Variants in PRKCE observed in about 807,000 individuals in gnomAD.
The protein encoded by PRKCE is protein kinase C epsilon.
A neutral mutation model predicts 85.4 loss-of-function variants in PRKCE; 16 were observed. The ratio of observed to expected loss-of-function variants is 0.19; its 90% CI spans 0.13 to 0.28. PRKCE has a LOEUF of 0.28. Ranked by LOEUF, PRKCE falls within the 10% of genes least tolerant of loss-of-function variation. The pLI is 1.00. For missense variants in PRKCE, 573 were observed against 975.2 expected, an observed-to-expected ratio of 0.59 and a Z score of 5.49; for synonymous variants, 388 against 371.5, an observed-to-expected ratio of 1.04 and a Z score of -0.51.
chr2:45,878,941 G>A (rs1001543754), intron 2 of PRKCE, among the ~76,000 whole-genome samples: 5 of 152,066 alleles, frequency 3.3e-5, no homozygotes, highest in Admixed American at 6.5e-5. Flanking sequence ...TTTTTAAATT[G>A]ACATAAAATA....
At chr2:45,830,293 C>CGAGA (rs71912599) in intron 1 of PRKCE, among the ~76,000 whole-genome samples, 8 of 146,308 alleles carry the variant, frequency 5.5e-5, no homozygotes, top group East Asian at 2.0e-4. Flanking sequence ...CAAAAACAAA[C>CGAGA]GAGAGAGAGA....
intron 10 of PRKCE, among the ~76,000 whole-genome samples, chr2:46,011,732 C>T (rs56218030): frequency 7.9e-5 from 12 of 152,204 alleles, no homozygotes; most frequent in South Asian, 2.1e-4. Context: ...TCTACTTTTC[C>T]GAACTTATTT....
rs59270659 is a variant in PRKCE, at chr2:46,148,211, GCCTTCTC to G, written c.1732-2813_1732-2807del. On this transcript the variant is annotated intron_variant, in intron 12 of 14. Transcript: ENST00000306156. ...TGGTAATAGCATCATCAGGGCCAAT[GCCTTCTC>G]CCTTCTCCCTTCTCCCGAGCTCTGA... Among the ~76,000 whole-genome samples, 32 of 152,306 alleles carry G rather than the reference GCCTTCTC, an allele frequency of 2.1e-4. No individual in the cohort carries two copies. The South Asian group carries it at 4.8e-3, about 23-fold the overall frequency.
At chr2:45,975,942 G>C (rs1205219121) in intron 2 of PRKCE, among the ~76,000 whole-genome samples, 1 of 152,180 alleles carries the variant, frequency 6.6e-6, no homozygotes, top group Non-Finnish European at 1.5e-5. Context: ...GGAAGCTTAG[G>C]GTGTGGAGAT....
intron 2 of PRKCE, among the ~76,000 whole-genome samples, chr2:45,967,587 C>T (rs973529231): frequency 6.6e-6 from 1 of 152,012 alleles, no homozygotes; most frequent in South Asian, 2.1e-4. Context: ...TTAGGACTGC[C>T]CCAAGTCTCA....
intron 10 of PRKCE, among the ~76,000 whole-genome samples, chr2:46,084,427 T>A: frequency 6.6e-6 from 1 of 152,196 alleles, no homozygotes; most frequent in South Asian, 2.1e-4. Flanking sequence ...ACTATACCTA[T>A]GTGTTAAAAA....
chr2:45,816,561 C>A (rs1458995025), intron 1 of PRKCE, among the ~76,000 whole-genome samples: 1 of 152,162 alleles, frequency 6.6e-6, no homozygotes, highest in African/African-American at 2.4e-5. Flanking sequence ...TGTGAAACTC[C>A]TGGATTTTGT....
chr2:46,040,385 T>C (rs1286664150), intron 10 of PRKCE, among the ~76,000 whole-genome samples: 1 of 152,202 alleles, frequency 6.6e-6, no homozygotes, highest in Non-Finnish European at 1.5e-5. Flanking sequence ...GACAGACAGA[T>C]GGCAGAGCAC....
At chr2:45,738,753 A>G (rs151257741) in intron 1 of PRKCE, among the ~76,000 whole-genome samples, 75 of 152,322 alleles carry the variant, frequency 4.9e-4, no homozygotes, top group African/African-American at 1.7e-3. Flanking sequence ...TTAACCTTAC[A>G]GTTATTGGGC....
intron 1 of PRKCE, among the ~76,000 whole-genome samples, chr2:45,760,136 G>T (rs1169231298): frequency 2.0e-5 from 3 of 152,188 alleles, no homozygotes; most frequent in Non-Finnish European, 4.4e-5. Flanking sequence ...GGCAGGCTGT[G>T]AAAAGGAGAA....
In PRKCE at chr2:45,976,420, C is replaced by A; in HGVS notation, c.413-9C>A. 6.3e-7 allele frequency: 1 copy of A among 1,598,784 alleles called. No homozygotes were observed. Among genetic ancestry groups the A allele is most frequent in the South Asian group, 1.1e-5 (1 of 91,020 alleles). ...CTCCGTTTTCTTCCCTGCTCTTGTC[C>A]TTCCCCAGCCCCTAAAGACAATGAA... On this transcript the variant is annotated splice_polypyrimidine_tract_variant and intron_variant, in intron 2 of 14. Transcript: ENST00000306156.
chr2:45,926,877 T>C (rs1296777998), intron 2 of PRKCE, among the ~76,000 whole-genome samples: 2 of 152,120 alleles, frequency 1.3e-5, no homozygotes, highest in Admixed American at 1.3e-4. Flanking sequence ...AGACACAGGA[T>C]GGTGAGAAGT....
intron 2 of PRKCE, among the ~76,000 whole-genome samples, chr2:45,954,505 A>G (rs751654065): frequency 2.0e-5 from 3 of 152,256 alleles, no homozygotes; most frequent in Non-Finnish European, 4.4e-5. Flanking sequence ...TGCAGGATTA[A>G]AAGACTAATT....
In PRKCE at chr2:45,652,038, G is replaced by C; in HGVS notation, c.-63G>C. The C allele has an allele frequency of 1.5e-6, 2 of 1,330,752 alleles. No individual in the cohort carries two copies. Among genetic ancestry groups the C allele is most frequent in the South Asian group, 1.4e-5 (1 of 71,140 alleles). The allele number at this position is 1,330,752 out of a possible 1,614,324, so 82.4% of individuals were successfully genotyped here. On this transcript the variant is annotated 5_prime_UTR_variant, in exon 1 of 15. Transcript: ENST00000306156. The surrounding 1 kb of genome is among the most constrained non-coding windows in gnomAD (Gnocchi z 7.7). ...CTGTGGCTCGGAGTGCCGGGCCGTCGGTTCTTCATTCCTGCCCTCGGGGCA... is the reference window on the plus strand; with the variant it reads ...CTGTGGCTCGGAGTGCCGGGCCGTCCGTTCTTCATTCCTGCCCTCGGGGCA...
intron 11 of PRKCE, among the ~76,000 whole-genome samples, chr2:46,097,489 C>T (rs1670809278): frequency 6.9e-6 from 1 of 145,202 alleles, no homozygotes; most frequent in South Asian, 2.3e-4. Flanking sequence ...CACTGCATTC[C>T]AGCCTGGGAG....
rs140218724 is a variant in PRKCE at position 45,929,975 on chromosome 2, T to G, written c.413-46454T>G. Among the ~76,000 whole-genome samples, 593 of 152,344 alleles carry G rather than the reference T, an allele frequency of 3.9e-3. 6 individuals carry two copies. The highest frequency in any genetic ancestry group is 0.013 in the African/African-American group (522 of 41,576). The stretch of plus-strand genomic sequence containing the variant: ...GGCCAAGATGGCACCAAATATATGC[T>G]TATTGAGTAAATGAATCATTCAATG... On this transcript the variant is annotated intron_variant, in intron 2 of 14. Coordinates refer to ENST00000306156, the MANE Select transcript of PRKCE (RefSeq NM_005400.3).
chr2:45,774,648 A>G lies in PRKCE; in HGVS notation c.349-68352A>G, dbSNP rs577133593. On this transcript the variant is annotated intron_variant, in intron 1 of 14. Transcript: ENST00000306156. The surrounding 1 kb of genome is among the most constrained non-coding windows in gnomAD (Gnocchi z 4.3). ...ACTGAGAGGGGTATTCTGAAGCCAC[A>G]GGCCCAGGGAGACAGACAGGCTGTG... Among the ~76,000 whole-genome samples, 206 of 152,232 alleles carry G rather than the reference A, an allele frequency of 1.4e-3. 2 individuals are homozygous for G. The highest frequency in any genetic ancestry group is 4.9e-3 in the African/African-American group (203 of 41,546).
intron 11 of PRKCE, among the ~76,000 whole-genome samples, chr2:46,095,294 A>G (rs999684029): frequency 6.6e-6 from 1 of 152,202 alleles, no homozygotes; most frequent in African/African-American, 2.4e-5. Context: ...GGTGGCCAGC[A>G]TCGCAGGAAC....
intron 12 of PRKCE, among the ~76,000 whole-genome samples, chr2:46,146,764 T>G (rs1676108049): frequency 6.6e-6 from 1 of 152,174 alleles, no homozygotes; most frequent in Non-Finnish European, 1.5e-5. Flanking sequence ...AAATGACAAC[T>G]TATGACATTC....
Sources: gnomAD v4.1 joint callset for allele counts (sites outside exome capture counted in the v4.1 genomes callset) on GRCh38, gnomAD v4.1.1 for gene constraint, Gnocchi (gnomAD v3.1) non-coding constraint, MANE v1.5 for transcripts, NCBI Gene and HGNC (gene_info 2026-07-23, HGNC 2026-07-21) for gene names.